The following RAB5A variants were observed in gnomAD, a reference collection of about 807,000 sequenced individuals.
The protein encoded by RAB5A is ras-related protein Rab-5A.
Under a neutral mutation model 25.7 loss-of-function variants are expected in RAB5A, and 8 were observed. The observed-to-expected ratio is 0.31, with a 90% CI of 0.18 to 0.56. The LOEUF is 0.56. RAB5A is among the 20% of genes least tolerant of loss of function. The probability of loss-of-function intolerance (pLI) is 0.91; values close to 1 mark genes in which losing one functional copy is unlikely to be tolerated. For synonymous variants in RAB5A, 98 were observed against 89.8 expected (o/e 1.09, Z -0.52); for missense variants, 192 against 259.7 (o/e 0.74, Z 1.79).
In RAB5A at chr3:19,962,688, T is replaced by C. The variant is rs536205029; in HGVS notation, c.163+11627T>C. ...TATTAGTAATATCAGTTCTCTAGTT[T>C]TAGATATGCACATTGTTGTATCTTT... On this transcript the variant is annotated intron_variant, in intron 2 of 5. Coordinates refer to ENST00000273047, the MANE Select transcript of RAB5A (RefSeq NM_004162.5). Among the ~76,000 whole-genome samples, 4 of 152,378 alleles carry C rather than the reference T, an allele frequency of 2.6e-5. No homozygotes were observed. In the East Asian group the frequency reaches 7.7e-4, roughly 29 times the overall value.
intron 2 of RAB5A, chr3:19,951,306 T>A (rs934942908): frequency 2.7e-5 from 10 of 374,488 alleles, no homozygotes; most frequent in Non-Finnish European, 3.9e-5. Flanking sequence ...AAAACATGAG[T>A]AGAATCAGTG....
In RAB5A at chr3:19,976,098, A is replaced by C; in HGVS notation, c.367A>C (p.Ser123Arg). Residue 123 changes from serine to arginine, a missense_variant, in exon 4 of 6, where the codon AGT becomes CGT. By Grantham distance (110) the Ser-to-Arg change is moderately radical (BLOSUM62 -1). This residue lies in a region of RAB5A where 121 missense variants were observed against 135.7 expected (regional missense o/e 0.89). Transcript: ENST00000273047. Reference protein sequence around the residue: ...NWVKELQRQASPNIVIALSGN... With the variant: ...NWVKELQRQARPNIVIALSGN... ...GGTTAAAGAACTTCAGAGGCAAGCA[A>C]GTCCTAACATTGTAATAGCTTTATC... 6.2e-7 allele frequency: 1 copy of C among 1,613,500 alleles called. No individual in the cohort carries two copies. The highest frequency in any genetic ancestry group is 1.1e-5 in the South Asian group (1 of 90,922).
intron 2 of RAB5A, 127 bp from the exon 3 acceptor site, chr3:19,975,474 C>G (rs1696811083): frequency 1.2e-6 from 1 of 828,556 alleles, no homozygotes; most frequent in Non-Finnish European, 1.8e-6. Context: ...TTAACTGACA[C>G]ATAATAGTTG....
chr3:19,952,948 T>C (rs924131762), intron 2 of RAB5A, among the ~76,000 whole-genome samples: 2 of 152,092 alleles, frequency 1.3e-5, no homozygotes, highest in African/African-American at 4.8e-5. Context: ...CACCCACTTA[T>C]TTCACTGTTA....
intron 2 of RAB5A, among the ~76,000 whole-genome samples, chr3:19,951,815 G>A (rs1021835274): frequency 6.6e-6 from 1 of 151,134 alleles, no homozygotes; most frequent in African/African-American, 2.4e-5. Context: ...GTGATTACAG[G>A]TGCTCCCTGC....
chr3:19,965,389 C>T (rs1283102077), intron 2 of RAB5A, among the ~76,000 whole-genome samples: 2 of 150,468 alleles, frequency 1.3e-5, no homozygotes, highest in African/African-American at 4.9e-5. Context: ...ACCACTGCCC[C>T]AACCTGGGTG....
intron 5 of RAB5A, among the ~76,000 whole-genome samples, chr3:19,980,338 T>C (rs754049978): frequency 3.9e-5 from 6 of 152,224 alleles, no homozygotes; most frequent in Non-Finnish European, 2.9e-5. Context: ...AGCCTACATA[T>C]TTTAGTTTTT....
intron 5 of RAB5A, among the ~76,000 whole-genome samples, chr3:19,979,238 G>A (rs1696876213): frequency 6.6e-6 from 1 of 151,022 alleles, no homozygotes; most frequent in Non-Finnish European, 1.5e-5. Flanking sequence ...GCCTCCCAAA[G>A]TGCTGGGATT....
At position 19,966,543 on chromosome 3, in the gene RAB5A, A is replaced by G. The variant is rs1475454246; in HGVS notation, c.164-9058A>G. On this transcript the variant is annotated intron_variant, in intron 2 of 5. Coordinates refer to ENST00000273047, the MANE Select transcript of RAB5A (RefSeq NM_004162.5). ...AAGTTCCTGCTTTCACTACTTTTGG[A>G]TGTATGCCCGTAAGAGGAATTGCTG... Among the ~76,000 whole-genome samples, 3 of 152,272 alleles carry G rather than the reference A, an allele frequency of 2.0e-5. No homozygotes were observed. In the East Asian group the frequency reaches 5.8e-4, roughly 29 times the overall value.
At chr3:19,978,511 GTATGTT>G (rs534134154) in intron 5 of RAB5A, 108 bp downstream of exon 5, 9,489 of 697,636 alleles carry the variant, frequency 0.014, 87 homozygotes, top group Non-Finnish European at 0.015. Flanking sequence ...GGGTTTGTGT[GTATGTT>G]TATGTGTGTG....
intron 4 of RAB5A, 90 bp downstream of exon 4, chr3:19,976,259 A>G: frequency 7.3e-7 from 1 of 1,369,710 alleles, no homozygotes; most frequent in Non-Finnish European, 9.9e-7. Context: ...TAATGTCAAA[A>G]CCATGCAAGT....
rs1483745913 is a variant in RAB5A, at chr3:19,984,426, T to A, written c.*603T>A. 9 of 201,736 alleles carry A rather than the reference T, an allele frequency of 4.5e-5. No individual in the cohort carries two copies. The highest frequency in any genetic ancestry group is 1.7e-4 in the East Asian group (1 of 5,770). The allele number at this position is 201,736 out of a possible 1,614,324, so 12.5% of individuals were successfully genotyped here. ...TATACCCAGTCTGGTTTTTTTTTTT[T>A]AAATGGGGTAAAAATCAAATGCAAC... On this transcript the variant is annotated 3_prime_UTR_variant, in exon 6 of 6. Transcript: ENST00000273047.
At position 19,964,678 on chromosome 3, in the gene RAB5A, A is replaced by T. The variant is rs186299700; in HGVS notation, c.164-10923A>T. Among the ~76,000 whole-genome samples the T allele has an allele frequency of 4.0e-3, 615 of 152,220 alleles. 10 individuals carry two copies. The highest frequency in any genetic ancestry group is 2.3e-3 in the Non-Finnish European group (154 of 68,006). ...ACCCAGGGTGGAGTGCAGTGGCGTG[A>T]TCTTGGCTCACTGCAACCTCTGCCT... On this transcript the variant is annotated intron_variant, in intron 2 of 5. Transcript: ENST00000273047.
intron 2 of RAB5A, among the ~76,000 whole-genome samples, chr3:19,958,361 T>TA (rs1221360086): frequency 4.6e-5 from 7 of 152,304 alleles, no homozygotes; most frequent in Admixed American, 2.6e-4. Context: ...TATCACAACC[T>TA]AAAAAAATCT....
chr3:19,958,533 G>A (rs190753327), intron 2 of RAB5A, among the ~76,000 whole-genome samples: 316 of 152,296 alleles, frequency 2.1e-3, no homozygotes, highest in Non-Finnish European at 3.6e-3. Context: ...TAACACGAGA[G>A]TATTGAACTC....
intron 2 of RAB5A, among the ~76,000 whole-genome samples, chr3:19,969,045 G>GTTTTTTTTTTTTTT (rs386396075): frequency 4.8e-5 from 5 of 103,430 alleles, no homozygotes; most frequent in African/African-American, 1.7e-4. Flanking sequence ...TTTTTTTTTG[G>GTTTTTTTTTTTTTT]TTTTTTTTTT....
chr3:19,947,628 C>G (rs1696340770), intron 1 of RAB5A, 107 bp downstream of exon 1: 2 of 152,660 alleles, frequency 1.3e-5, no homozygotes, highest in African/African-American at 2.4e-5. Context: ...CCCACCCCTT[C>G]TCCCTCACGC....
chr3:19,948,686 A>G (rs999088421), intron 1 of RAB5A, among the ~76,000 whole-genome samples: 25 of 152,140 alleles, frequency 1.6e-4, no homozygotes, highest in Admixed American at 6.5e-5. Context: ...TAGGGGGAGT[A>G]GCCACAATTA....
chr3:19,960,641 A>G (rs757102062), intron 2 of RAB5A, among the ~76,000 whole-genome samples: 1 of 152,212 alleles, frequency 6.6e-6, no homozygotes, highest in Non-Finnish European at 1.5e-5. Context: ...CTTGATGTAT[A>G]TGTAAACTTT....
Sources: gnomAD v4.1 joint callset for allele counts (sites outside exome capture counted in the v4.1 genomes callset) on GRCh38, gnomAD v4.1.1 for gene constraint, gnomAD v4.1.1 regional missense constraint, MANE v1.5 for transcripts, NCBI Gene and HGNC (gene_info 2026-07-23, HGNC 2026-07-21) for gene names.